Variants in OAS1 observed in about 807,000 individuals in gnomAD.
The protein encoded by OAS1 is 2'-5'-oligoadenylate synthase 1.
OAS1 carries 24 observed loss-of-function variants against 38.5 expected under a neutral mutation model. The observed-to-expected ratio is 0.62, with a 90% CI of 0.45 to 0.88. The LOEUF (loss-of-function observed/expected upper bound fraction) is 0.88, where lower values mean the gene tolerates loss of function less well. Ranked by LOEUF, OAS1 falls within the 40% of genes least tolerant of loss-of-function variation. The pLI is 0.00. For missense variants in OAS1, 482 were observed against 493.9 expected, an observed-to-expected ratio of 0.98 and a Z score of 0.23; for synonymous variants, 169 against 193.9, an observed-to-expected ratio of 0.87 and a Z score of 1.07.
rs562489734 is a variant in OAS1 at position 112,917,473 on chromosome 12, C to T, written c.885-74C>T. The T allele has an allele frequency of 1.2e-4, 186 of 1,590,540 alleles. No individual in the cohort carries two copies. In the African/African-American group the frequency reaches 2.1e-3, roughly 18 times the overall value. On this transcript the variant is annotated intron_variant, in intron 4 of 5. Transcript: ENST00000202917. The stretch of plus-strand genomic sequence containing the variant: ...GTTCATCCCATGCTGCTATTTTGCT[C>T]TCCCAGGAGCATCTGGACTCCCTAG...
chr12:112,907,081 G>T lies in OAS1; in HGVS notation c.42G>T (p.Lys14Asn). ...ATACCCCAGCCAAATCTCTGGACAA[G>T]TTCATTGAAGACTATCTCTTGCCAG... ...LRNTPAKSLD[K>N]FIEDYLLPDT... Residue 14 changes from lysine (K) to asparagine (N), a missense_variant, in exon 1 of 6, where the codon AAG becomes AAT. By Grantham distance (94) the Lys-to-Asn change is moderately conservative (BLOSUM62 0). Coordinates refer to ENST00000202917, the MANE Select transcript of OAS1 (RefSeq NM_016816.4). 6.2e-7 allele frequency: 1 copy of T among 1,614,256 alleles called. No individual in the cohort carries two copies.
chr12:112,915,809 G>A (rs1052000877), intron 3 of OAS1, among the ~76,000 whole-genome samples: 1 of 152,066 alleles, frequency 6.6e-6, no homozygotes, highest in Non-Finnish European at 1.5e-5. Flanking sequence ...GCAATGTTTT[G>A]TAGTTTTCCT....
At chr12:112,907,487 GGCGAT>G in intron 1 of OAS1, 1 of 381,092 alleles carries the variant, frequency 2.6e-6, no homozygotes, top group East Asian at 4.0e-5. Context: ...CACTGTCCTG[GGCGAT>G]GCCCATTTCA....
intron 3 of OAS1, among the ~76,000 whole-genome samples, chr12:112,912,782 C>T (rs2043404314): frequency 6.6e-6 from 1 of 152,194 alleles, no homozygotes; most frequent in African/African-American, 2.4e-5. Context: ...TTCTTTCTTT[C>T]TTGATGCTGT....
chr12:112,917,745 C>T (rs1363803791), intron 5 of OAS1, 45 bp downstream of exon 5: 1 of 1,614,062 alleles, frequency 6.2e-7, no homozygotes, highest in South Asian at 1.1e-5. Context: ...CTGCCCCTCT[C>T]CATGAAGCTT....
chr12:112,907,105 A>G lies in OAS1; in HGVS notation c.66A>G (p.Pro22=), dbSNP rs751405629. The change falls in exon 1 of 6, where the codon CCA becomes CCG. Residue 22 remains proline, a synonymous_variant. Coordinates refer to ENST00000202917, the MANE Select transcript of OAS1 (RefSeq NM_016816.4). Reference sequence around the variant, plus strand: ...AGTTCATTGAAGACTATCTCTTGCCAGACACGTGTTTCCGCATGCAAATCA... The same window carrying G: ...AGTTCATTGAAGACTATCTCTTGCCGGACACGTGTTTCCGCATGCAAATCA... ...LDKFIEDYLL[P]DTCFRMQINH... 2.5e-6 allele frequency: 4 copies of G among 1,614,250 alleles called. No individual in the cohort carries two copies. In the South Asian group the frequency reaches 4.4e-5, roughly 18 times the overall value.
intron 5 of OAS1, chr12:112,918,705 C>A: frequency 2.2e-6 from 1 of 452,652 alleles, no homozygotes; most frequent in South Asian, 1.6e-5. Flanking sequence ...GCTCATGTCA[C>A]TGTGCTAAAC....
Position 112,919,523 on chromosome 12 carries a change from A to G in OAS1, c.1173A>G (p.Ala391=), listed in dbSNP as rs1394375502. The change falls in exon 6 of 6, where the codon GCA becomes GCG. Residue 391 remains alanine, a synonymous_variant. Transcript: ENST00000202917. ...STLQAASTPQ[A]EEDWTCTIL is the part of the protein sequence containing the mutation. ...TCCAGGCAGCATCCACCCCACAGGC[A>G]GAAGAGGACTGGACCTGCACCATCC... 6.2e-7 allele frequency: 1 copy of G among 1,614,230 alleles called. No individual in the cohort carries two copies. Among genetic ancestry groups the G allele is most frequent in the Non-Finnish European group, 8.5e-7 (1 of 1,180,036 alleles).
intron 6 of OAS1, among the ~76,000 whole-genome samples, chr12:112,930,209 T>C (rs981588404): frequency 6.6e-6 from 1 of 152,130 alleles, no homozygotes; most frequent in Non-Finnish European, 1.5e-5. Context: ...ATTGTAAGCC[T>C]CCTGAGGCCT....
At chr12:112,922,933 T>C (rs999976673), downstream of OAS1, among the ~76,000 whole-genome samples, 1 of 152,188 alleles carries the variant, frequency 6.6e-6, no homozygotes, top group African/African-American at 2.4e-5. Flanking sequence ...TCTTGCTGTG[T>C]TGTCCAGGCT....
intron 2 of OAS1, among the ~76,000 whole-genome samples, chr12:112,909,769 A>G (rs1312698548): frequency 6.6e-6 from 1 of 152,252 alleles, no homozygotes; most frequent in Non-Finnish European, 1.5e-5. Flanking sequence ...GGAATAGTTT[A>G]GATTTTAATT....
intron 6 of OAS1, among the ~76,000 whole-genome samples, chr12:112,924,976 T>C (rs1000884175): frequency 5.9e-5 from 9 of 152,128 alleles, no homozygotes; most frequent in Admixed American, 2.0e-4. Context: ...GAAACTATGG[T>C]ATAACATTGA....
intron 3 of OAS1, among the ~76,000 whole-genome samples, chr12:112,915,635 G>T (rs2043444672): frequency 6.6e-6 from 1 of 152,072 alleles, no homozygotes; most frequent in African/African-American, 2.4e-5. Flanking sequence ...TTTTAGGATT[G>T]TTTTTTCTAG....
rs1419626914 is a variant in OAS1, at chr12:112,911,109, G to A, written c.528G>A (p.Glu176=). ...NPQIYVKLIE[E]CTDLQKEGEF... ...AAATCTATGTCAAGCTCATCGAGGA[G>A]TGCACCGACCTGCAGAAAGAGGGCG... Residue 176 remains glutamate, a synonymous_variant, in exon 3 of 6, where the codon GAG becomes GAA. Coordinates refer to ENST00000202917, the MANE Select transcript of OAS1 (RefSeq NM_016816.4). 6.2e-7 allele frequency: 1 copy of A among 1,614,002 alleles called. No homozygotes were observed. The highest frequency in any genetic ancestry group is 1.3e-5 in the African/African-American group (1 of 74,898).
In OAS1 at chr12:112,908,639, G is replaced by T; in HGVS notation, c.284G>T (p.Arg95Leu). Reference sequence around the variant, plus strand: ...ACTTTTCAGGATCAGTTAAATCGCCGGGGAGAGTTCATCCAGGAAATTAGG... The same window carrying T: ...ACTTTTCAGGATCAGTTAAATCGCCTGGGAGAGTTCATCCAGGAAATTAGG... Reference protein sequence around the residue: ...LTTFQDQLNRRGEFIQEIRRQ... With the variant: ...LTTFQDQLNRLGEFIQEIRRQ... The change falls in exon 2 of 6, where the codon CGG becomes CTG. Residue 95 changes from arginine to leucine, a missense_variant. Physicochemically the swap from Arg to Leu is moderately radical, Grantham distance 102 (BLOSUM62 -2). Coordinates refer to ENST00000202917, the MANE Select transcript of OAS1 (RefSeq NM_016816.4). 1 of 1,614,156 alleles carries T rather than the reference G, an allele frequency of 6.2e-7. No homozygotes were observed.
intron 5 of OAS1, chr12:112,917,922 G>T: frequency 6.9e-7 from 1 of 1,440,788 alleles, no homozygotes; most frequent in South Asian, 1.5e-5. Flanking sequence ...TCCCCTAAGA[G>T]TAATAATAAA....
intron 6 of OAS1, among the ~76,000 whole-genome samples, chr12:112,930,274 A>G (rs6489877): frequency 0.74 from 113,113 of 152,114 alleles, 43,358 homozygotes; most frequent in African/African-American, 0.94. Flanking sequence ...CTGCAGAACC[A>G]TGAGCCGATT....
intron 5 of OAS1, chr12:112,918,964 A>AG (rs747294455): frequency 1.2e-5 from 3 of 254,328 alleles, no homozygotes; most frequent in Admixed American, 4.7e-5. Flanking sequence ...ACTCAGGGAA[A>AG]GGGGGGAAGA....
intron 6 of OAS1, chr12:112,931,765 G>T: frequency 1.8e-6 from 1 of 551,836 alleles, no homozygotes; most frequent in South Asian, 2.8e-5. Flanking sequence ...TAAGACCTAG[G>T]GTCTCCTGAC....
Sources: gnomAD v4.1 joint callset for allele counts (sites outside exome capture counted in the v4.1 genomes callset) on GRCh38, gnomAD v4.1.1 for gene constraint, MANE v1.5 for transcripts, NCBI Gene and HGNC (gene_info 2026-07-23, HGNC 2026-07-21) for gene names.